Variants in GRAMD1B observed in about 807,000 individuals in gnomAD.
The protein encoded by GRAMD1B is GRAM domain containing 1B, also known as protein Aster-B.
Under a neutral mutation model 99.7 loss-of-function variants are expected in GRAMD1B, and 37 were observed. The ratio of observed to expected loss-of-function variants is 0.37; its 90% CI spans 0.29 to 0.49. The LOEUF (loss-of-function observed/expected upper bound fraction) is 0.49. Ranked by LOEUF, GRAMD1B falls within the 20% of genes least tolerant of loss-of-function variation. The probability of loss-of-function intolerance (pLI) is 0.98; values close to 1 mark genes in which losing one functional copy is unlikely to be tolerated. For synonymous variants in GRAMD1B, 427 were observed against 387.6 expected (o/e 1.10, Z -1.19); for missense variants, 888 against 1,009.2 (o/e 0.88, Z 1.63).
intron 2 of GRAMD1B, among the ~76,000 whole-genome samples, chr11:123,546,594 G>A (rs931152408): frequency 1.3e-5 from 2 of 152,238 alleles, no homozygotes; most frequent in East Asian, 3.8e-4. Context: ...GTTCCCCAGT[G>A]AGGTCTGGGA....
At chr11:123,417,077 A>G (rs188945938) in intron 1 of GRAMD1B, among the ~76,000 whole-genome samples, 4 of 152,340 alleles carry the variant, frequency 2.6e-5, no homozygotes, top group Non-Finnish European at 4.4e-5. Context: ...CATGTGACGG[A>G]TATTAAGAAT....
intron 1 of GRAMD1B, among the ~76,000 whole-genome samples, chr11:123,394,112 A>G (rs549615730): frequency 8.1e-4 from 123 of 152,326 alleles, no homozygotes; most frequent in African/African-American, 2.5e-3. Flanking sequence ...AACCAGAGCA[A>G]TTTTGAGAAT....
intron 2 of GRAMD1B, among the ~76,000 whole-genome samples, chr11:123,511,428 C>T (rs1040330363): frequency 4.6e-5 from 7 of 152,054 alleles, no homozygotes; most frequent in Admixed American, 1.3e-4. Context: ...CGCTAGAGGG[C>T]GCTCCTGAGA....
intron 2 of GRAMD1B, among the ~76,000 whole-genome samples, chr11:123,507,854 G>T (rs1940590064): frequency 6.6e-6 from 1 of 152,182 alleles, no homozygotes; most frequent in Non-Finnish European, 1.5e-5. Flanking sequence ...CAGGACTTGG[G>T]TGCAGATTGA....
chr11:123,553,491 G>A (rs752492945), intron 2 of GRAMD1B, among the ~76,000 whole-genome samples: 2 of 152,202 alleles, frequency 1.3e-5, no homozygotes, highest in Non-Finnish European at 2.9e-5. Flanking sequence ...TGGCAATGTT[G>A]GTTGCTAAAG....
intron 2 of GRAMD1B, among the ~76,000 whole-genome samples, chr11:123,536,068 G>T (rs958741001): frequency 2.0e-5 from 3 of 152,166 alleles, no homozygotes; most frequent in Non-Finnish European, 1.5e-5. Flanking sequence ...CTCACTACTG[G>T]TGTGACTATG....
intron 1 of GRAMD1B, among the ~76,000 whole-genome samples, chr11:123,474,676 T>A (rs886244253): frequency 1.3e-5 from 2 of 152,202 alleles, no homozygotes; most frequent in African/African-American, 4.8e-5. Flanking sequence ...TCTGCCTTGG[T>A]GCTATTTCTA....
chr11:123,452,798 T>C (rs983215520), intron 1 of GRAMD1B, among the ~76,000 whole-genome samples: 1 of 152,222 alleles, frequency 6.6e-6, no homozygotes, highest in Non-Finnish European at 1.5e-5. Flanking sequence ...ATTCTGGCCA[T>C]GGCCTTTTGC....
chr11:123,423,099 A>G (rs561079156), intron 1 of GRAMD1B, among the ~76,000 whole-genome samples: 2 of 152,224 alleles, frequency 1.3e-5, no homozygotes, highest in African/African-American at 4.8e-5. Flanking sequence ...AAGATTAAAT[A>G]CTTTTTGATT....
intron 1 of GRAMD1B, among the ~76,000 whole-genome samples, chr11:123,422,380 A>G (rs520811): frequency 0.93 from 140,902 of 152,290 alleles, 65,237 homozygotes; most frequent in South Asian, 0.95. Context: ...AAACCTCTCA[A>G]GGTACAGTAG....
In GRAMD1B at chr11:123,612,840, C is replaced by T. The variant is rs750137159; in HGVS notation, c.1999C>T (p.Leu667=). The change falls in exon 15 of 20, where the codon CTG becomes TTG. Residue 667 remains leucine (L), a synonymous_variant. Coordinates refer to ENST00000635736, the MANE Select transcript of GRAMD1B (RefSeq NM_001387025.1). Reference sequence around the variant, plus strand: ...CATCGAGAAGAACTTCTGGAGTGGGCTGGAGGACTACTTCCGCCATTTAGG... The same window carrying T: ...CATCGAGAAGAACTTCTGGAGTGGGTTGGAGGACTACTTCCGCCATTTAGG... ...TFIEKNFWSG[L]EDYFRHLESE... 18 of 1,607,672 alleles carry T rather than the reference C, an allele frequency of 1.1e-5. No individual in the cohort carries two copies. The highest frequency in any genetic ancestry group is 1.5e-5 in the Non-Finnish European group (18 of 1,174,628).
intron 1 of GRAMD1B, among the ~76,000 whole-genome samples, chr11:123,372,157 G>A (rs1331315591): frequency 6.6e-6 from 1 of 152,190 alleles, no homozygotes; most frequent in East Asian, 1.9e-4. Context: ...GAGACTAAAT[G>A]TAATTACCCA....
intron 3 of GRAMD1B, among the ~76,000 whole-genome samples, chr11:123,577,831 G>A (rs898754533): frequency 2.6e-5 from 4 of 151,936 alleles, no homozygotes; most frequent in Non-Finnish European, 5.9e-5. Context: ...GATTTGGAGG[G>A]GAGACGCTCT....
chr11:123,569,027 G>A (rs1241607683), intron 2 of GRAMD1B, among the ~76,000 whole-genome samples: 1 of 152,208 alleles, frequency 6.6e-6, no homozygotes, highest in African/African-American at 2.4e-5. Context: ...GGGAGGCACT[G>A]AGATTGGCAC....
At chr11:123,366,158 A>G (rs1196538157) in intron 1 of GRAMD1B, among the ~76,000 whole-genome samples, 1 of 152,240 alleles carries the variant, frequency 6.6e-6, no homozygotes, top group Non-Finnish European at 1.5e-5. Context: ...TGTCTTTTGC[A>G]TGCACGAGCT....
chr11:123,547,857 G>A (rs1945168749), intron 2 of GRAMD1B, among the ~76,000 whole-genome samples: 1 of 152,152 alleles, frequency 6.6e-6, no homozygotes, highest in Non-Finnish European at 1.5e-5. Context: ...AGGCCCACAT[G>A]TGTTAATTAT....
At chr11:123,377,883 G>T (rs1946743331) in intron 1 of GRAMD1B, among the ~76,000 whole-genome samples, 1 of 152,226 alleles carries the variant, frequency 6.6e-6, no homozygotes, top group South Asian at 2.1e-4. Flanking sequence ...TGCGCTTCCA[G>T]CTGAAAAGTG....
chr11:123,600,588 A>G (rs1021700115), intron 8 of GRAMD1B, 40 bp downstream of exon 8: 9 of 1,268,966 alleles, frequency 7.1e-6, no homozygotes, highest in Non-Finnish European at 1.0e-5. Flanking sequence ...GGGACTGGCT[A>G]TCTCTAGAGA....
Position 123,542,986 on chromosome 11 carries a change from T to C in GRAMD1B, c.453-34381T>C, listed in dbSNP as rs201635247. ...TAGTTTTTCTTTTTCTTTTTTTTTTTAAATTGAAACAGTGAAGTGAATTTG... is the reference window on the plus strand; with the variant it reads ...TAGTTTTTCTTTTTCTTTTTTTTTTCAAATTGAAACAGTGAAGTGAATTTG... On this transcript the variant is annotated intron_variant, in intron 2 of 19. Transcript: ENST00000635736. Among the ~76,000 whole-genome samples, 3 of 141,986 alleles carry C rather than the reference T, an allele frequency of 2.1e-5. No individual in the cohort carries two copies. The South Asian group carries it at 7.2e-4, about 34-fold the overall frequency. The allele number at this position is 141,986 out of a possible 152,430, so 93.1% of individuals were successfully genotyped here. A position where few individuals can be genotyped will look rare whatever the true frequency, so the allele number is the denominator to read the frequency against.
Sources: gnomAD v4.1 joint callset for allele counts (sites outside exome capture counted in the v4.1 genomes callset) on GRCh38, gnomAD v4.1.1 for gene constraint, MANE v1.5 for transcripts, NCBI Gene and HGNC (gene_info 2026-07-23, HGNC 2026-07-21) for gene names.